FAM171B: variants seen among roughly 807,000 people sequenced by gnomAD.
FAM171B encodes the protein protein FAM171B.
FAM171B carries 19 observed loss-of-function variants against 75.6 expected under a neutral mutation model. The ratio of observed to expected loss-of-function variants is 0.25; its 90% CI spans 0.18 to 0.37. The LOEUF (loss-of-function observed/expected upper bound fraction) is 0.37, where lower values mean the gene tolerates loss of function less well. FAM171B is among the 10% of genes least tolerant of loss of function. FAM171B has a pLI of 1.00. For synonymous variants in FAM171B, 367 were observed against 361.7 expected, an observed-to-expected ratio of 1.01 and a Z score of -0.17; for missense variants, 848 against 982.4, an observed-to-expected ratio of 0.86 and a Z score of 1.83.
intron 1 of FAM171B, among the ~76,000 whole-genome samples, chr2:186,703,098 C>CACAT (rs1689686757): frequency 6.6e-6 from 1 of 151,286 alleles, no homozygotes; most frequent in Non-Finnish European, 1.5e-5. Flanking sequence ...CACACACACA[C>CACAT]ACAAAAGATC....
In FAM171B at chr2:186,761,870, G is replaced by A. The variant is rs781612835; in HGVS notation, c.1528G>A (p.Asp510Asn). The part of the protein sequence containing the change: ...NLSSSLGDAQ[D>N]EKRYLTGNEE... ...ATCTTCATCTCTAGGTGATGCTCAA[G>A]ATGAAAAGAGGTATCTCACAGGTAA... Residue 510 changes from aspartate to asparagine, a missense_variant, in exon 8 of 8, where the codon GAT becomes AAT. Transcript: ENST00000304698. 11 of 1,613,042 alleles carry A rather than the reference G, an allele frequency of 6.8e-6. No individual in the cohort carries two copies. The highest frequency in any genetic ancestry group is 1.7e-5 in the Admixed American group (1 of 59,854).
intron 1 of FAM171B, 98 bp downstream of exon 1, chr2:186,694,509 C>G (rs927150820): frequency 1.3e-5 from 19 of 1,430,680 alleles, no homozygotes; most frequent in Admixed American, 9.9e-5. Context: ...TTCCTATCCT[C>G]GTTCGTTCCT....
chr2:186,722,293 A>G (rs540397896), intron 1 of FAM171B, among the ~76,000 whole-genome samples: 1 of 152,206 alleles, frequency 6.6e-6, no homozygotes, highest in East Asian at 1.9e-4. Context: ...CACAGAGTTT[A>G]TTTACTAAGT....
At chr2:186,714,117 T>C (rs1368818821) in intron 1 of FAM171B, among the ~76,000 whole-genome samples, 1 of 50,062 alleles carries the variant, frequency 2.0e-5, no homozygotes, top group Non-Finnish European at 5.5e-5. Context: ...TGTCAGCAGA[T>C]GAAATTTTTT....
intron 1 of FAM171B, among the ~76,000 whole-genome samples, chr2:186,695,807 G>GT (rs1311176707): frequency 3.3e-5 from 5 of 152,322 alleles, no homozygotes; most frequent in Non-Finnish European, 5.9e-5. Flanking sequence ...TGAGGCTGCT[G>GT]TTAGACATAC....
chr2:186,741,986 TA>T (rs1690295677), intron 2 of FAM171B, among the ~76,000 whole-genome samples: 1 of 152,142 alleles, frequency 6.6e-6, no homozygotes, highest in Non-Finnish European at 1.5e-5. Flanking sequence ...ATATGTGGGT[TA>T]AAAATGTTAT....
chr2:186,706,880 G>T (rs1371189707), intron 1 of FAM171B, among the ~76,000 whole-genome samples: 1 of 151,740 alleles, frequency 6.6e-6, no homozygotes, highest in Admixed American at 6.6e-5. Context: ...ACATTATATT[G>T]AAAATTATAT....
At chr2:186,714,011 C>T (rs1044464973) in intron 1 of FAM171B, among the ~76,000 whole-genome samples, 2 of 152,076 alleles carry the variant, frequency 1.3e-5, no homozygotes, top group Non-Finnish European at 2.9e-5. Context: ...CTTCTTTATG[C>T]GAAAAACAAG....
At chr2:186,703,491 A>C (rs759166016) in intron 1 of FAM171B, among the ~76,000 whole-genome samples, 2 of 152,176 alleles carry the variant, frequency 1.3e-5, no homozygotes, top group Non-Finnish European at 2.9e-5. Context: ...ACCAGTGTTC[A>C]TGCTTTTATT....
At chr2:186,700,697 T>G (rs986623287) in intron 1 of FAM171B, among the ~76,000 whole-genome samples, 1 of 152,216 alleles carries the variant, frequency 6.6e-6, no homozygotes, top group African/African-American at 2.4e-5. Flanking sequence ...TGCTATATTC[T>G]TATACAAATC....
chr2:186,758,441 C>T (rs1690566255), intron 6 of FAM171B, among the ~76,000 whole-genome samples: 1 of 152,140 alleles, frequency 6.6e-6, no homozygotes, highest in Non-Finnish European at 1.5e-5. Flanking sequence ...TCAGTGTCCT[C>T]AGTGCAGGTG....
chr2:186,747,403 A>T (rs1476404845), intron 4 of FAM171B, among the ~76,000 whole-genome samples, 153 bp downstream of exon 4: 1 of 152,144 alleles, frequency 6.6e-6, no homozygotes, highest in Non-Finnish European at 1.5e-5. Context: ...AATGTATATA[A>T]TAAAAAATTC....
rs146471871 is a variant in FAM171B, at chr2:186,709,583, G to A, written c.238+15172G>A. ...CCCCTGCCACAAAAACAGTGGGAGT[G>A]TCACCATCTTGACCAGATTGTGCTG... On this transcript the variant is annotated intron_variant, in intron 1 of 7. Coordinates refer to ENST00000304698, the MANE Select transcript of FAM171B (RefSeq NM_177454.4). Among the ~76,000 whole-genome samples the A allele has an allele frequency of 4.1e-4, 63 of 152,264 alleles. No individual in the cohort carries two copies. The Middle Eastern group carries it at 0.01, about 25-fold the overall frequency.
At position 186,694,594 on chromosome 2, in the gene FAM171B, T is replaced by C. The variant is rs144014035; in HGVS notation, c.238+183T>C. Among the ~76,000 whole-genome samples the C allele has an allele frequency of 2.9e-3, 437 of 152,254 alleles. 3 individuals carry two copies. Among genetic ancestry groups the C allele is most frequent in the African/African-American group, 9.7e-3 (402 of 41,552 alleles). ...GTCCCTTGATCTGGTGTCGGGAATCTGCCCTCCGGGTAATGAGCTTTCTGA... is the reference window on the plus strand; with the variant it reads ...GTCCCTTGATCTGGTGTCGGGAATCCGCCCTCCGGGTAATGAGCTTTCTGA... On this transcript the variant is annotated intron_variant, in intron 1 of 7. Coordinates refer to ENST00000304698, the MANE Select transcript of FAM171B (RefSeq NM_177454.4).
intron 1 of FAM171B, among the ~76,000 whole-genome samples, chr2:186,717,805 A>C (rs900860313): frequency 6.6e-6 from 1 of 152,108 alleles, no homozygotes; most frequent in African/African-American, 2.4e-5. Flanking sequence ...TGTGTTTCCA[A>C]AGCACATGAC....
At chr2:186,696,768 T>C (rs1237533155) in intron 1 of FAM171B, among the ~76,000 whole-genome samples, 2 of 152,208 alleles carry the variant, frequency 1.3e-5, no homozygotes, top group East Asian at 1.9e-4. Flanking sequence ...CTGACAGACC[T>C]TTTCCTGACC....
chr2:186,700,877 AG>A (rs1193695820), intron 1 of FAM171B, among the ~76,000 whole-genome samples: 3 of 152,236 alleles, frequency 2.0e-5, no homozygotes, highest in Middle Eastern at 3.4e-3. Flanking sequence ...TTTAATGTGT[AG>A]TATTACTGTA....
chr2:186,713,850 C>G (rs941489035), intron 1 of FAM171B, among the ~76,000 whole-genome samples: 12 of 152,254 alleles, frequency 7.9e-5, no homozygotes, highest in Non-Finnish European at 1.5e-4. Flanking sequence ...TTTTCACTAT[C>G]TTTGATGCTT....
Position 186,755,027 on chromosome 2 carries a change from T to C in FAM171B, c.1012+978T>C, listed in dbSNP as rs571714951. On this transcript the variant is annotated intron_variant, in intron 6 of 7. Coordinates refer to ENST00000304698, the MANE Select transcript of FAM171B (RefSeq NM_177454.4). ...CATAGTCTAGGAAAAATGAGCATTT[T>C]ATTTCCTTATATTTAACATGTTGTC... 1.8e-4 allele frequency among the ~76,000 whole-genome samples: 27 copies of C among 152,296 alleles called. No individual in the cohort carries two copies. In the South Asian group the frequency reaches 4.4e-3, roughly 25 times the overall value.
Sources: allele counts gnomAD v4.1 joint callset (sites outside exome capture counted in the v4.1 genomes callset), GRCh38; gene constraint gnomAD v4.1.1; transcripts MANE v1.5; gene names NCBI Gene and HGNC (gene_info 2026-07-23, HGNC 2026-07-21).